Variants in LIN9 observed in about 807,000 individuals in gnomAD.
LIN9 encodes the protein lin-9 DREAM MuvB core complex component.
Under a neutral mutation model 78.0 loss-of-function variants are expected in LIN9, and 18 were observed. The observed-to-expected ratio is 0.23, with a 90% CI of 0.16 to 0.34. The LOEUF (loss-of-function observed/expected upper bound fraction) is 0.34, where lower values mean the gene tolerates loss of function less well. LIN9 is among the 10% of genes least tolerant of loss of function. LIN9 has a pLI of 1.00. For synonymous variants in LIN9, 192 were observed against 215.2 expected, an observed-to-expected ratio of 0.89 and a Z score of 0.94; for missense variants, 451 against 644.1, an observed-to-expected ratio of 0.70 and a Z score of 3.25.
intron 6 of LIN9, among the ~76,000 whole-genome samples, chr1:226,281,077 T>C (rs1192505720): frequency 6.6e-6 from 1 of 152,216 alleles, no homozygotes; most frequent in Non-Finnish European, 1.5e-5. Flanking sequence ...AATGGAATCT[T>C]ATTCAGCCAC....
At chr1:226,238,865 A>C (rs1657914281) in intron 12 of LIN9, 106 bp downstream of exon 12, 1 of 1,109,068 alleles carries the variant, frequency 9.0e-7, no homozygotes, top group African/African-American at 1.6e-5. Flanking sequence ...GTTCTGCTAA[A>C]GGACTTTATG....
At chr1:226,300,824 C>T (rs898031890) in intron 2 of LIN9, among the ~76,000 whole-genome samples, 29 of 152,194 alleles carry the variant, frequency 1.9e-4, no homozygotes, top group African/African-American at 6.5e-4. Flanking sequence ...CCGTTGTACT[C>T]CAGCCTGGGC....
chr1:226,275,196 G>A (rs1302829456), intron 7 of LIN9, among the ~76,000 whole-genome samples: 1 of 152,158 alleles, frequency 6.6e-6, no homozygotes, highest in Non-Finnish European at 1.5e-5. Flanking sequence ...ACTCCTTAAG[G>A]AGGCCCTGTG....
In LIN9 at chr1:226,287,716, G is replaced by A. The variant is rs1661460145; in HGVS notation, c.346C>T (p.Pro116Ser). 8 of 1,556,298 alleles carry A rather than the reference G, an allele frequency of 5.1e-6. No homozygotes were observed. The highest frequency in any genetic ancestry group is 4.3e-6 in the Non-Finnish European group (5 of 1,160,820). Residue 116 changes from proline (P) to serine (S), a missense_variant, in exon 5 of 15, where the codon CCT becomes TCT. Transcript: ENST00000681046. ...GFRLRNLLKL[P>S]KAHKWCIYEW... ...TATATACACCATTTATGTGCTTTAGGAAGCTTGAGCAGATTACGTAATCGA... is the reference window on the plus strand; with the variant it reads ...TATATACACCATTTATGTGCTTTAGAAAGCTTGAGCAGATTACGTAATCGA...
At chr1:226,267,857 A>AT in intron 8 of LIN9, 100 bp downstream of exon 8, 4 of 1,259,718 alleles carry the variant, frequency 3.2e-6, no homozygotes, top group Non-Finnish European at 4.3e-6. Flanking sequence ...CCTCTGTGAG[A>AT]TAAAGTCTTG....
chr1:226,286,497 T>C, intron 5 of LIN9, 39 bp from the exon 6 acceptor site: 4 of 1,459,392 alleles, frequency 2.7e-6, no homozygotes, highest in Non-Finnish European at 3.7e-6. Flanking sequence ...TTACATACAA[T>C]GTGTTACTTT....
intron 8 of LIN9, among the ~76,000 whole-genome samples, chr1:226,267,318 A>ATGTATGTATGTATGTATGTATGTATG (rs60392041): frequency 4.3e-5 from 6 of 140,902 alleles, no homozygotes; most frequent in Non-Finnish European, 7.5e-5. Context: ...TATTATGTAT[A>ATGTATGTATGTATGTATGTATGTATG]TATGTATGTA....
chr1:226,235,859 GT>G (rs1285881038), intron 12 of LIN9, among the ~76,000 whole-genome samples: 1 of 152,144 alleles, frequency 6.6e-6, no homozygotes, highest in East Asian at 1.9e-4. Flanking sequence ...AGTTTCTAAT[GT>G]ATCCTTTCTG....
chr1:226,264,362 GT>G (rs1416298781), intron 10 of LIN9, among the ~76,000 whole-genome samples: 1 of 152,046 alleles, frequency 6.6e-6, no homozygotes, highest in Non-Finnish European at 1.5e-5. Context: ...GGGAGACAGA[GT>G]GAGACTCTGT....
At chr1:226,303,246 C>T (rs964301309) in intron 1 of LIN9, among the ~76,000 whole-genome samples, 2 of 152,212 alleles carry the variant, frequency 1.3e-5, no homozygotes, top group African/African-American at 4.8e-5. Flanking sequence ...ATGCCAGTCC[C>T]TACCTGCTCT....
chr1:226,258,764 A>T (rs914565978), intron 10 of LIN9, among the ~76,000 whole-genome samples: 35 of 150,744 alleles, frequency 2.3e-4, no homozygotes, highest in African/African-American at 5.8e-4. Flanking sequence ...GGTGGCGGGC[A>T]CCTGTAGTCC....
chr1:226,309,379 G>A, upstream of LIN9: 2 of 988,460 alleles, frequency 2.0e-6, no homozygotes, highest in Non-Finnish European at 2.4e-6. Flanking sequence ...GAGCCGGGCG[G>A]GAGGAAGGGA....
intron 10 of LIN9, among the ~76,000 whole-genome samples, chr1:226,252,447 C>T (rs527470161): frequency 1.1e-4 from 16 of 151,976 alleles, no homozygotes; most frequent in East Asian, 7.7e-4. Flanking sequence ...TTTCAATTTA[C>T]GTTAAGATAC....
At chr1:226,279,769 G>GA (rs372383120) in intron 6 of LIN9, among the ~76,000 whole-genome samples, 44,862 of 93,374 alleles carry the variant, frequency 0.48, 9,969 homozygotes, top group East Asian at 0.51. Flanking sequence ...GACCCAGTCT[G>GA]AAAAAAAAAA....
chr1:226,290,740 G>A (rs1395879529), intron 4 of LIN9, among the ~76,000 whole-genome samples: 2 of 152,066 alleles, frequency 1.3e-5, no homozygotes, highest in African/African-American at 2.4e-5. Context: ...ATATAAACCA[G>A]TACAATTTCT....
At chr1:226,266,782 CT>C (rs200745559) in intron 8 of LIN9, among the ~76,000 whole-genome samples, 213 of 141,324 alleles carry the variant, frequency 1.5e-3, no homozygotes, top group Non-Finnish European at 1.6e-3. Flanking sequence ...AAGCAATTTA[CT>C]TTTTTTTTTT....
intron 11 of LIN9, among the ~76,000 whole-genome samples, chr1:226,245,749 C>T (rs1416040999): frequency 6.6e-6 from 1 of 151,988 alleles, no homozygotes. Flanking sequence ...AGCTGTGTGC[C>T]ACCACGCCTG....
At chr1:226,285,797 GAT>G (rs1428371209) in intron 6 of LIN9, among the ~76,000 whole-genome samples, 5 of 152,050 alleles carry the variant, frequency 3.3e-5, no homozygotes, top group African/African-American at 7.2e-5. Context: ...TTTCACAAAA[GAT>G]AACAAAAATG....
chr1:226,279,248 C>T (rs1660883916), intron 6 of LIN9, among the ~76,000 whole-genome samples: 1 of 152,036 alleles, frequency 6.6e-6, no homozygotes, highest in Non-Finnish European at 1.5e-5. Context: ...GGAAGAATTG[C>T]TTGAGCCCAG....
Sources: allele counts gnomAD v4.1 joint callset (sites outside exome capture counted in the v4.1 genomes callset), GRCh38; gene constraint gnomAD v4.1.1; transcripts MANE v1.5; gene names NCBI Gene and HGNC (gene_info 2026-07-23, HGNC 2026-07-21).